Variants in MGST1 observed in about 807,000 individuals in gnomAD.
MGST1 encodes microsomal glutathione S-transferase 1.
MGST1 carries 5 observed loss-of-function variants against 8.9 expected under a neutral mutation model. The observed-to-expected ratio is 0.56, with a 90% CI of 0.29 to 1.19. The LOEUF (loss-of-function observed/expected upper bound fraction) is 1.19, where lower values mean the gene tolerates loss of function less well. MGST1 is among the 50% of genes most tolerant of loss of function. The pLI, the probability that MGST1 is intolerant of heterozygous loss-of-function variation, is 0.08. For synonymous variants in MGST1, 54 were observed against 67.8 expected (o/e 0.80, Z 1.00); for missense variants, 182 against 187.4 (o/e 0.97, Z 0.17).
intron 3 of MGST1, among the ~76,000 whole-genome samples, chr12:16,371,532 C>T (rs982636651): frequency 1.3e-5 from 2 of 152,106 alleles, no homozygotes; most frequent in East Asian, 3.9e-4. Context: ...GTATGGCCCA[C>T]AAGCTAACAA....
At chr12:16,468,583 A>ATATAGCT (rs1463350081) in intron 4 of MGST1, among the ~76,000 whole-genome samples, 6 of 152,208 alleles carry the variant, frequency 3.9e-5, no homozygotes, top group African/African-American at 1.4e-4. Flanking sequence ...TCTTGAGTGT[A>ATATAGCT]TATAGCTTAT....
At chr12:16,420,606 A>G (rs2137083470) in intron 1 of MGST1, among the ~76,000 whole-genome samples, 1 of 152,296 alleles carries the variant, frequency 6.6e-6, no homozygotes, top group South Asian at 2.1e-4. Context: ...ATCACAACAA[A>G]GGCTCCTCAG....
intron 4 of MGST1, among the ~76,000 whole-genome samples, chr12:16,445,605 G>T (rs911594197): frequency 5.3e-5 from 8 of 151,880 alleles, no homozygotes; most frequent in Admixed American, 4.6e-4. Context: ...AACTATTTTG[G>T]TCCTCTTTCT....
intron 4 of MGST1, among the ~76,000 whole-genome samples, chr12:16,502,757 A>G: frequency 6.6e-6 from 1 of 152,186 alleles, no homozygotes; most frequent in East Asian, 1.9e-4. Flanking sequence ...CCTCCCACAT[A>G]TGTTACACTA....
downstream of MGST1, among the ~76,000 whole-genome samples, chr12:16,379,862 T>C (rs1207242534): frequency 1.3e-5 from 2 of 152,204 alleles, no homozygotes; most frequent in Non-Finnish European, 1.5e-5. Flanking sequence ...AACTTCTTCC[T>C]GGTTTAGTCT....
intron 4 of MGST1, among the ~76,000 whole-genome samples, chr12:16,575,991 C>T (rs1212460831): frequency 6.6e-6 from 1 of 151,798 alleles, no homozygotes; most frequent in Non-Finnish European, 1.5e-5. Context: ...TTTGAATTTG[C>T]CTCCTCTTCT....
chr12:16,518,875 C>T (rs1433174925), intron 4 of MGST1, among the ~76,000 whole-genome samples: 1 of 152,154 alleles, frequency 6.6e-6, no homozygotes, highest in Non-Finnish European at 1.5e-5. Context: ...ACTTGGAGGC[C>T]TGAGGACATT....
At chr12:16,400,019 A>C in intron 1 of MGST1, 1 of 1,555,992 alleles carries the variant, frequency 6.4e-7, no homozygotes, top group Non-Finnish European at 8.9e-7. Flanking sequence ...TTAAATCCCA[A>C]GTCCCTAAAA....
chr12:16,574,606 T>C lies in MGST1; in HGVS notation n.483-14922T>C, dbSNP rs181134308. ...AACTTTCCCCCTATTTGTACCACTT[T>C]TTAAATTTTAAATCTCAGTTTTCTT... On this transcript the variant is annotated intron_variant and non_coding_transcript_variant, in intron 4 of 4. Coordinates refer to the MGST1 transcript ENST00000538857. Among the ~76,000 whole-genome samples the C allele has an allele frequency of 3.3e-5, 5 of 152,294 alleles. No homozygotes were observed. In the East Asian group the frequency reaches 7.7e-4, roughly 24 times the overall value.
At chr12:16,440,284 C>T (rs1032631149), downstream of MGST1, among the ~76,000 whole-genome samples, 8 of 151,290 alleles carry the variant, frequency 5.3e-5, no homozygotes, top group East Asian at 2.0e-4. Context: ...CACAGTAAAG[C>T]GTATAAACCT....
chr12:16,390,482 C>G (rs1009777583), intron 1 of MGST1, among the ~76,000 whole-genome samples: 1 of 152,084 alleles, frequency 6.6e-6, no homozygotes, highest in Admixed American at 6.6e-5. Flanking sequence ...CAGTGTCTGT[C>G]GTTCCCTTCT....
At chr12:16,505,792 T>C (rs1941534586) in intron 4 of MGST1, among the ~76,000 whole-genome samples, 1 of 152,200 alleles carries the variant, frequency 6.6e-6, no homozygotes, top group Non-Finnish European at 1.5e-5. Flanking sequence ...GTTGACACCT[T>C]ATTGCTTCAA....
intron 4 of MGST1, among the ~76,000 whole-genome samples, chr12:16,502,725 A>T (rs1360061354): frequency 1.3e-5 from 2 of 152,028 alleles, no homozygotes; most frequent in East Asian, 3.9e-4. Context: ...TAGAAACAGC[A>T]CCCTCCTCTC....
intron 3 of MGST1, among the ~76,000 whole-genome samples, chr12:16,358,003 T>A (rs569578494): frequency 6.6e-6 from 1 of 152,308 alleles, no homozygotes; most frequent in East Asian, 1.9e-4. Flanking sequence ...CTTGGAGTTT[T>A]ATCGTCTTTG....
chr12:16,573,732 C>T (rs1942902038), intron 4 of MGST1: 1 of 152,096 alleles, frequency 6.6e-6, no homozygotes, highest in South Asian at 2.1e-4. Context: ...CTGAAGCAGC[C>T]CTGAGGGATT....
At chr12:16,421,861 G>T (rs1481735056) in intron 1 of MGST1, among the ~76,000 whole-genome samples, 1 of 152,042 alleles carries the variant, frequency 6.6e-6, no homozygotes, top group Admixed American at 6.6e-5. Context: ...CAGACTACAG[G>T]GGTCCAATGT....
chr12:16,510,345 A>T (rs916476948), intron 4 of MGST1, among the ~76,000 whole-genome samples: 7 of 152,210 alleles, frequency 4.6e-5, no homozygotes, highest in African/African-American at 7.2e-5. Flanking sequence ...GAGAAAAAGA[A>T]AGGAGGAAAG....
At position 16,361,584 on chromosome 12, in the gene MGST1, G is replaced by C. The variant is rs3844373; in HGVS notation, c.222-2211G>C. Among the ~76,000 whole-genome samples, 43,868 of 152,058 alleles carry C rather than the reference G, an allele frequency of 0.29. 7,120 individuals are homozygous for C. The highest frequency in any genetic ancestry group is 0.66 in the East Asian group (3,414 of 5,146). ...TGAAGGAAGCTGCCGCTCCAGGAAG[G>C]AGTCTGTCGTTGGAGAAGAGGGGAG... On this transcript the variant is annotated intron_variant, in intron 3 of 3. Coordinates refer to ENST00000396210, the MANE Select transcript of MGST1 (RefSeq NM_020300.5). The surrounding 1 kb of genome is among the most constrained non-coding windows in gnomAD (Gnocchi z 4.2).
chr12:16,506,774 T>C (rs916026218), intron 4 of MGST1, among the ~76,000 whole-genome samples: 1 of 152,226 alleles, frequency 6.6e-6, no homozygotes, highest in Non-Finnish European at 1.5e-5. Flanking sequence ...GACTACTTTT[T>C]CTTGACTGAA....
Sources: allele counts gnomAD v4.1 joint callset (sites outside exome capture counted in the v4.1 genomes callset), GRCh38; gene constraint gnomAD v4.1.1; non-coding constraint Gnocchi (gnomAD v3.1); transcripts MANE v1.5; gene names NCBI Gene and HGNC (gene_info 2026-07-23, HGNC 2026-07-21).